Variants in HSPBP1 observed in about 807,000 individuals in gnomAD.
HSPBP1 encodes the protein hsp70-binding protein 1.
In HSPBP1, 31 loss-of-function variants were observed where a neutral mutation model predicts 41.7. The ratio of observed to expected loss-of-function variants is 0.74; its 90% CI spans 0.56 to 1.00. The LOEUF (loss-of-function observed/expected upper bound fraction) is 1.00, where lower values mean the gene tolerates loss of function less well. HSPBP1 is among the 50% of genes least tolerant of loss of function. HSPBP1 has a pLI of 0.00. For missense variants in HSPBP1, 439 were observed against 487.9 expected (o/e 0.90, Z 0.94); for synonymous variants, 199 against 214.4 (o/e 0.93, Z 0.63).
At position 55,262,656 on chromosome 19, in the gene HSPBP1, C is replaced by G. The variant is rs544313040; in HGVS notation, c.1032G>C (p.Leu344=). The G allele has an allele frequency of 3.7e-6, 6 of 1,613,694 alleles. No homozygotes were observed. The Admixed American group carries it at 8.3e-5, about 22-fold the overall frequency. Residue 344 remains leucine (L), a synonymous_variant, in exon 8 of 8, where the codon CTG becomes CTC. Coordinates refer to ENST00000433386, the MANE Select transcript of HSPBP1 (RefSeq NM_012267.5). ...CTGGGCTGGAGAAACAGGTCTGTAG[C>G]AGCTTTTCACAGAACTCCAGCTCCT... ...YQEELEFCEK[L]LQTCFSSPAD... is the part of the protein sequence containing the mutation.
At chr19:55,277,500 T>G in intron 3 of HSPBP1, 142 bp downstream of exon 3, 1 of 820,430 alleles carries the variant, frequency 1.2e-6, no homozygotes, top group Non-Finnish European at 2.0e-6. Context: ...CCTTGCTCCT[T>G]ATGGCAATGG....
At chr19:55,275,166 C>A (rs1039158488) in intron 3 of HSPBP1, among the ~76,000 whole-genome samples, 6 of 152,144 alleles carry the variant, frequency 3.9e-5, no homozygotes, top group Non-Finnish European at 8.8e-5. Context: ...CATTAGGGCC[C>A]CAGGCTCCAG....
chr19:55,275,999 C>A (rs1010317979), intron 3 of HSPBP1, among the ~76,000 whole-genome samples: 1 of 150,328 alleles, frequency 6.7e-6, no homozygotes, highest in African/African-American at 2.5e-5. Context: ...CACCTGTAAT[C>A]CCAGCTGTTT....
rs183568198 is a variant in HSPBP1 at position 55,270,504 on chromosome 19, G to A, written c.640+3894C>T. 6.6e-6 allele frequency among the ~76,000 whole-genome samples: 1 copy of A among 152,180 alleles called. No homozygotes were observed. The highest frequency in any genetic ancestry group is 1.9e-4 in the East Asian group (1 of 5,182). On this transcript the variant is annotated intron_variant, in intron 4 of 7. Coordinates refer to ENST00000433386, the MANE Select transcript of HSPBP1 (RefSeq NM_012267.5). The surrounding 1 kb of genome is among the most constrained non-coding windows in gnomAD (Gnocchi z 5.4). ...TCATGAAGACGCAAAGCCAGAAGCC[G>A]CCCTCCTCAGCAGGGGCCACTGCTG...
chr19:55,265,822 C>T, intron 6 of HSPBP1, 64 bp downstream of exon 6: 3 of 1,104,534 alleles, frequency 2.7e-6, no homozygotes, highest in Middle Eastern at 2.0e-4. Flanking sequence ...ATTCCTGAGC[C>T]ACCCCCACCT....
intron 4 of HSPBP1, among the ~76,000 whole-genome samples, chr19:55,266,906 T>C (rs567795679): frequency 6.6e-6 from 1 of 152,336 alleles, no homozygotes; most frequent in South Asian, 2.1e-4. Flanking sequence ...TATACTTTCT[T>C]CCTTTATGGA....
At position 55,279,417 on chromosome 19, in the gene HSPBP1, TGGA is replaced by T. The variant is rs1188604437; in HGVS notation, c.189_191del (p.Pro64del). 1.9e-6 allele frequency: 3 copies of T among 1,597,878 alleles called. No homozygotes were observed. In the African/African-American group the frequency reaches 4.1e-5, roughly 22 times the overall value. On this transcript the variant is annotated inframe_deletion, in exon 2 of 8. Coordinates refer to ENST00000433386, the MANE Select transcript of HSPBP1 (RefSeq NM_012267.5). ...CCTTTACCTCCTCACTCATCGGTTC[TGGA>T]GGAGGGTCTGGCTCTTCAGAGCCCG...
chr19:55,265,074 C>T (rs1323045252), intron 7 of HSPBP1, among the ~76,000 whole-genome samples: 1 of 150,950 alleles, frequency 6.6e-6, no homozygotes, highest in Non-Finnish European at 1.5e-5. Context: ...TCCTCGAACC[C>T]CATCCCCTGC....
At chr19:55,264,711 G>C (rs1727824189) in intron 7 of HSPBP1, among the ~76,000 whole-genome samples, 1 of 152,156 alleles carries the variant, frequency 6.6e-6, no homozygotes, top group Non-Finnish European at 1.5e-5. Context: ...ATAATTCAAT[G>C]ATTGGGCAAC....
rs530870666 is a variant in HSPBP1, at chr19:55,268,158, C to T, written c.641-1872G>A. ...CATTAAACACAACGTTGGCTGGGCG[C>T]GGTGGCTCATGCCTGTAATCCCAGC... On this transcript the variant is annotated intron_variant, in intron 4 of 7. Transcript: ENST00000433386. The surrounding 1 kb of genome is among the most constrained non-coding windows in gnomAD (Gnocchi z 4.5). 1.3e-5 allele frequency among the ~76,000 whole-genome samples: 2 copies of T among 152,142 alleles called. No individual in the cohort carries two copies. Among genetic ancestry groups the T allele is most frequent in the East Asian group, 1.9e-4 (1 of 5,170 alleles).
In HSPBP1 at chr19:55,265,982, C is replaced by T. The variant is rs144372487; in HGVS notation, c.797G>A (p.Gly266Glu). ...NLLVGHPEHK[G>E]TLCSMGMVQQ... ...GACCATCCCCATGGAGCACAGGGTC[C>T]CTGGGGGGAGGGCTGCAGGGGTCAG... The change falls in exon 6 of 8, where the codon GGG becomes GAG. Residue 266 changes from glycine to glutamate, a missense_variant and splice_region_variant. Physicochemically the swap from Gly to Glu is moderately conservative, Grantham distance 98. Coordinates refer to ENST00000433386, the MANE Select transcript of HSPBP1 (RefSeq NM_012267.5). 2.6e-3 allele frequency: 4,093 copies of T among 1,598,758 alleles called. 13 individuals carry two copies. Among genetic ancestry groups the T allele is most frequent in the Admixed American group, 3.9e-3 (225 of 57,210 alleles).
intron 3 of HSPBP1, among the ~76,000 whole-genome samples, chr19:55,276,265 G>A (rs1040511873): frequency 2.0e-5 from 3 of 152,144 alleles, no homozygotes; most frequent in African/African-American, 7.2e-5. Flanking sequence ...GCTGATTAGT[G>A]GTTGCCAGGG....
intron 6 of HSPBP1, 23 bp downstream of exon 6, chr19:55,265,863 G>A (rs771267544): frequency 5.3e-5 from 82 of 1,542,816 alleles, no homozygotes; most frequent in East Asian, 3.9e-4. Context: ...CCCAGGCCCC[G>A]TCCTCTCAAG....
Position 55,279,507 on chromosome 19 carries a change from C to G in HSPBP1, c.102G>C (p.Gly34=). 7.3e-7 allele frequency: 1 copy of G among 1,377,844 alleles called. No individual in the cohort carries two copies. The highest frequency in any genetic ancestry group is 9.9e-7 in the Non-Finnish European group (1 of 1,007,170). 85.4% of individuals were successfully genotyped at this position (1,377,844 alleles called of 1,614,324 possible). A position where few individuals can be genotyped will look rare whatever the true frequency, so the allele number is the denominator to read the frequency against. The change falls in exon 2 of 8, where the codon GGG becomes GGC. Residue 34 remains glycine, a synonymous_variant. Transcript: ENST00000433386. ...SGGGGGGSSA[G]GSGNSRPPRN... is the part of the protein sequence containing the mutation. ...GTGGGGGCCGGGAATTGCCCGAGCC[C>G]CCAGCCGAGGAGCCGCCGCCGCCGC...
chr19:55,279,934 C>G (rs1224790018), intron 1 of HSPBP1, 101 bp downstream of exon 1: 1 of 455,162 alleles, frequency 2.2e-6, no homozygotes, highest in Non-Finnish European at 4.0e-6. Flanking sequence ...AGCAACCTCA[C>G]TGCTCCGCCT....
At chr19:55,271,831 G>T (rs1036144033) in intron 4 of HSPBP1, among the ~76,000 whole-genome samples, 2 of 152,212 alleles carry the variant, frequency 1.3e-5, no homozygotes, top group Non-Finnish European at 2.9e-5. Context: ...AGGCTGAGGT[G>T]CTCACCTGAG....
chr19:55,265,956 G>A lies in HSPBP1; in HGVS notation c.823C>T (p.Gln275Ter). Reference protein sequence around the residue: ...KGTLCSMGMVQQLVALVRTEH... With the variant: ...KGTLCSMGMV Reference sequence around the variant, plus strand: ...GTCCGCACCAGGGCCACCAGCTGCTGGACCATCCCCATGGAGCACAGGGTC... The same window carrying A: ...GTCCGCACCAGGGCCACCAGCTGCTAGACCATCCCCATGGAGCACAGGGTC... The change falls in exon 6 of 8, where the codon CAG becomes TAG. Residue 275 changes from glutamine (Q) to a stop codon, truncating the protein, a stop_gained. Transcript: ENST00000433386. LOFTEE classifies it high-confidence loss of function. 1 of 1,605,938 alleles carries A rather than the reference G, an allele frequency of 6.2e-7. No homozygotes were observed. The highest frequency in any genetic ancestry group is 8.5e-7 in the Non-Finnish European group (1 of 1,177,470).
At chr19:55,274,354 C>CA (rs756707895) in intron 4 of HSPBP1, 44 bp downstream of exon 4, 41 of 632,212 alleles carry the variant, frequency 6.5e-5, no homozygotes, top group Middle Eastern at 4.4e-4. Context: ...GGCACCCCCC[C>CA]CCACCGCCAG....
At position 55,270,295 on chromosome 19, in the gene HSPBP1, T is replaced by G. The variant is rs891984633; in HGVS notation, c.641-4009A>C. Reference sequence around the variant, plus strand: ...CACGCAGCCCGAGCTTCCTGCCAACTGCCAGCAAAACTCTGCTAGCCCCGG... The same window carrying G: ...CACGCAGCCCGAGCTTCCTGCCAACGGCCAGCAAAACTCTGCTAGCCCCGG... On this transcript the variant is annotated intron_variant, in intron 4 of 7. Coordinates refer to ENST00000433386, the MANE Select transcript of HSPBP1 (RefSeq NM_012267.5). This position sits in a 1 kb window ranked among gnomAD's most constrained non-coding sequence, Gnocchi z 5.4. 1.3e-5 allele frequency among the ~76,000 whole-genome samples: 2 copies of G among 152,214 alleles called. No homozygotes were observed.
Sources: gnomAD v4.1 joint callset for allele counts (sites outside exome capture counted in the v4.1 genomes callset) on GRCh38, gnomAD v4.1.1 for gene constraint, Gnocchi (gnomAD v3.1) non-coding constraint, MANE v1.5 for transcripts, NCBI Gene and HGNC (gene_info 2026-07-23, HGNC 2026-07-21) for gene names.